Variants in DVL1 observed in about 807,000 individuals in gnomAD.
The protein encoded by DVL1 is dishevelled segment polarity protein 1, also known as segment polarity protein dishevelled homolog DVL-1.
A neutral mutation model predicts 65.0 loss-of-function variants in DVL1; 49 were observed. That is an observed-to-expected ratio of 0.75 (90% CI 0.60 to 0.96). The LOEUF is 0.96. Ranked by LOEUF, DVL1 falls within the 40% of genes least tolerant of loss-of-function variation. DVL1 has a pLI of 0.00. For synonymous variants in DVL1, 608 were observed against 433.9 expected, an observed-to-expected ratio of 1.40 and a Z score of -4.99; for missense variants, 1,197 against 1,045.4, an observed-to-expected ratio of 1.15 and a Z score of -2.00.
At chr1:1,337,018 C>T (rs1460706154) in intron 14 of DVL1, 4 of 989,512 alleles carry the variant, frequency 4.0e-6, no homozygotes, top group Non-Finnish European at 4.8e-6. Context: ...CCTGGCTTAC[C>T]GGCCCAAGGT....
At position 1,340,505 on chromosome 1, in the gene DVL1, T is replaced by C; in HGVS notation, c.606-2A>G. On this transcript the variant is annotated splice_acceptor_variant, in intron 5 of 14. Coordinates refer to ENST00000378888, the MANE Select transcript of DVL1 (RefSeq NM_001330311.2). LOFTEE classifies it high-confidence loss of function. ...CTCTGCTCCGTGGAGCTGCTGAGCC[T>C]GGGAACAGACTGTCAGAGCTCAGAG... 1 of 1,599,948 alleles carries C rather than the reference T, an allele frequency of 6.3e-7. No individual in the cohort carries two copies. Among genetic ancestry groups the C allele is most frequent in the Non-Finnish European group, 8.5e-7 (1 of 1,173,554 alleles).
chr1:1,345,284 T>C lies in DVL1; in HGVS notation c.171-2526A>G, dbSNP rs551295178. Among the ~76,000 whole-genome samples the C allele has an allele frequency of 5.5e-3, 835 of 152,286 alleles. 5 individuals are homozygous for C. The highest frequency in any genetic ancestry group is 0.019 in the African/African-American group (792 of 41,570). On this transcript the variant is annotated intron_variant, in intron 1 of 14. Transcript: ENST00000378888. The stretch of plus-strand genomic sequence containing the variant: ...CAACAGGGTGTAACAAGTCCTCCCC[T>C]GCCCCCAGTGGCAGGGTGCAGACCC...
Position 1,340,411 on chromosome 1 carries a change from C to G in DVL1, c.698G>C (p.Arg233Pro), listed in dbSNP as rs776763302. ...GCCCTGCTCCACCCGGCTGCCTACC[C>G]GGTCCGCCTGCCGAAGGCGCTGCTT... ...RRKQRLRQAD[R>P]ASSFSSITDS... Residue 233 changes from arginine to proline, a missense_variant and splice_region_variant, in exon 6 of 15, where the codon CGG becomes CCG. By Grantham distance (103) the Arg-to-Pro change is moderately radical. Transcript: ENST00000378888. 74 of 1,609,534 alleles carry G rather than the reference C, an allele frequency of 4.6e-5. No individual in the cohort carries two copies. Among genetic ancestry groups the G allele is most frequent in the Non-Finnish European group, 4.7e-5 (55 of 1,178,632 alleles).
chr1:1,341,519 CAT>C (rs1643826633), intron 5 of DVL1, 146 bp downstream of exon 5: 5 of 1,126,850 alleles, frequency 4.4e-6, no homozygotes, highest in Admixed American at 2.9e-5. Flanking sequence ...ACACGTGCAT[CAT>C]GTACACAGAC....
intron 1 of DVL1, among the ~76,000 whole-genome samples, chr1:1,343,862 C>T (rs751546890): frequency 5.3e-5 from 8 of 152,208 alleles, no homozygotes; most frequent in Non-Finnish European, 1.0e-4. Context: ...GCAGGGGATG[C>T]GGAGCCGGCA....
At chr1:1,339,538 C>G (rs764428905) in intron 10 of DVL1, 44 bp downstream of exon 10, 1 of 1,566,782 alleles carries the variant, frequency 6.4e-7, no homozygotes, top group African/African-American at 1.3e-5. Context: ...GCTAGGTAGG[C>G]GCCCCCTCCC....
chr1:1,341,647 C>T lies in DVL1; in HGVS notation c.605+20G>A, dbSNP rs761432332. On this transcript the variant is annotated intron_variant, in intron 5 of 14. Coordinates refer to ENST00000378888, the MANE Select transcript of DVL1 (RefSeq NM_001330311.2). The stretch of plus-strand genomic sequence containing the variant: ...CAAGTGGGCACACAGGCATACACGC[C>T]CACAGACACTCCCACACACCTGCTC... The T allele has an allele frequency of 6.3e-7, 1 of 1,586,986 alleles. No homozygotes were observed. The highest frequency in any genetic ancestry group is 8.6e-7 in the Non-Finnish European group (1 of 1,160,230).
In DVL1 at chr1:1,340,187, G is replaced by C; in HGVS notation, c.770-10C>G. On this transcript the variant is annotated splice_polypyrimidine_tract_variant and intron_variant, in intron 7 of 14. Coordinates refer to ENST00000378888, the MANE Select transcript of DVL1 (RefSeq NM_001330311.2). ...AGAAAGTGATGTCTTTCTGCAGGAA[G>C]AGCCATGAGCCGCGGCCAAGCCCCT... The C allele has an allele frequency of 6.2e-7, 1 of 1,613,730 alleles. No homozygotes were observed. The highest frequency in any genetic ancestry group is 8.5e-7 in the Non-Finnish European group (1 of 1,179,970).
rs1337002760 is a variant in DVL1 at position 1,339,279 on chromosome 1, C to G, written c.1207+8G>C. 8 of 1,548,476 alleles carry G rather than the reference C, an allele frequency of 5.2e-6. No individual in the cohort carries two copies. Among genetic ancestry groups the G allele is most frequent in the Non-Finnish European group, 7.0e-6 (8 of 1,146,866 alleles). Reference sequence around the variant, plus strand: ...TTTCTGCTGGGGCCCTCAGGAGCTGCCACTTACGTGGAGCACCAGGCACGG... The same window carrying G: ...TTTCTGCTGGGGCCCTCAGGAGCTGGCACTTACGTGGAGCACCAGGCACGG... On this transcript the variant is annotated splice_region_variant and intron_variant, in intron 11 of 14. Coordinates refer to ENST00000378888, the MANE Select transcript of DVL1 (RefSeq NM_001330311.2).
chr1:1,341,480 AAC>A (rs1467112412), intron 5 of DVL1, among the ~76,000 whole-genome samples, 185 bp downstream of exon 5: 2 of 152,034 alleles, frequency 1.3e-5, no homozygotes, highest in Middle Eastern at 3.2e-3. Context: ...GCACAGTGAA[AAC>A]ACCTCATGTG....
chr1:1,336,920 A>G (rs939382106), intron 14 of DVL1: 1 of 866,812 alleles, frequency 1.2e-6, no homozygotes, highest in Non-Finnish European at 1.4e-6. Context: ...CGGATGACTC[A>G]GCTCAGCCCT....
At chr1:1,338,812 G>T (rs529070925) in intron 11 of DVL1, 159 bp from the exon 12 acceptor site, 3 of 762,392 alleles carry the variant, frequency 3.9e-6, no homozygotes, top group South Asian at 1.2e-4. Flanking sequence ...ATGCACCCCC[G>T]TGAGGCTGGG....
chr1:1,341,619 T>C (rs376369177), intron 5 of DVL1, 48 bp downstream of exon 5: 11 of 1,560,364 alleles, frequency 7.0e-6, no homozygotes, highest in African/African-American at 2.7e-5. Flanking sequence ...GTACAGACAT[T>C]TGCAAGTGGG....
chr1:1,341,071 A>G (rs1212343751), intron 5 of DVL1, among the ~76,000 whole-genome samples: 1 of 148,672 alleles, frequency 6.7e-6, no homozygotes, highest in Non-Finnish European at 1.5e-5. Context: ...ACACCTGCAC[A>G]CACGCACCCC....
rs765071635 is a variant in DVL1, at chr1:1,348,967, G to A, written c.99C>T (p.Phe33=). Residue 33 remains phenylalanine, a synonymous_variant, in exon 1 of 15, where the codon TTC becomes TTT. Transcript: ENST00000378888. ...CGGGCCGGTTGCTGAGCACGTTCTT[G>A]AAGTCGGCCAGCGTGACGCGCTCGG... The part of the protein sequence containing the change: ...VAPERVTLAD[F]KNVLSNRPVH... 5 of 1,575,886 alleles carry A rather than the reference G, an allele frequency of 3.2e-6. No homozygotes were observed. The highest frequency in any genetic ancestry group is 4.3e-6 in the Non-Finnish European group (5 of 1,158,184).
chr1:1,340,092 C>T lies in DVL1; in HGVS notation c.855G>A (p.Lys285=), dbSNP rs755185744. Residue 285 remains lysine, a synonymous_variant, in exon 8 of 15, where the codon AAG becomes AAA. Coordinates refer to ENST00000378888, the MANE Select transcript of DVL1 (RefSeq NM_001330311.2). ...DGGIYIGSIM[K]GGAVAADGRI... ...GGCCGTCAGCGGCCACAGCCCCGCC[C>T]TTCATGATGGAGCCAATGTAGATGC... The T allele has an allele frequency of 1.1e-5, 17 of 1,613,358 alleles. No homozygotes were observed. In the East Asian group the frequency reaches 2.0e-4, roughly 19 times the overall value.
intron 1 of DVL1, among the ~76,000 whole-genome samples, chr1:1,344,247 G>A (rs928958432): frequency 2.0e-5 from 3 of 152,234 alleles, no homozygotes; most frequent in Non-Finnish European, 4.4e-5. Flanking sequence ...AGAAATAGGA[G>A]CCCGGAGACG....
At chr1:1,340,919 CTGCACACGCA>C (rs1015622877) in intron 5 of DVL1, among the ~76,000 whole-genome samples, 1 of 148,224 alleles carries the variant, frequency 6.7e-6, no homozygotes, top group Non-Finnish European at 1.5e-5. Flanking sequence ...ACACGCACAC[CTGCACACGCA>C]TGCACACCTG....
At chr1:1,346,303 G>C (rs1340296848) in intron 1 of DVL1, among the ~76,000 whole-genome samples, 2 of 152,168 alleles carry the variant, frequency 1.3e-5, no homozygotes, top group African/African-American at 2.4e-5. Context: ...CCAGTCCCAG[G>C]CCTGGGTCAC....
Sources: allele counts gnomAD v4.1 joint callset (sites outside exome capture counted in the v4.1 genomes callset), GRCh38; gene constraint gnomAD v4.1.1; transcripts MANE v1.5; gene names NCBI Gene and HGNC (gene_info 2026-07-23, HGNC 2026-07-21).